SLC9A8: variants seen among roughly 807,000 people sequenced by gnomAD.
The protein encoded by SLC9A8 is solute carrier family 9 member A8.
In SLC9A8, 48 loss-of-function variants were observed where a neutral mutation model predicts 66.6. That is an observed-to-expected ratio of 0.72 (90% CI 0.57 to 0.92). The LOEUF (loss-of-function observed/expected upper bound fraction) is 0.92. Among genes scored for constraint, SLC9A8 ranks in the 40% least tolerant of loss-of-function variants. The pLI is 0.00. For missense variants in SLC9A8, 599 were observed against 747.3 expected (o/e 0.80, Z 2.31); for synonymous variants, 274 against 282.6 (o/e 0.97, Z 0.31).
chr20:49,862,498 T>C (rs1274939758), intron 8 of SLC9A8, among the ~76,000 whole-genome samples: 1 of 152,164 alleles, frequency 6.6e-6, no homozygotes, highest in African/African-American at 2.4e-5. Flanking sequence ...TGCCCTCAAG[T>C]GATCTGCTCA....
At chr20:49,864,684 C>T (rs1265223848) in intron 9 of SLC9A8, 55 bp from the exon 10 acceptor site, 25 of 1,238,614 alleles carry the variant, frequency 2.0e-5, no homozygotes, top group Non-Finnish European at 3.0e-5. Flanking sequence ...TGTGACTTCT[C>T]CACATCTCCC....
Position 49,883,953 on chromosome 20 carries a change from A to C in SLC9A8, c.1378A>C (p.Ile460Leu). Residue 460 changes from isoleucine (I) to leucine (L), a missense_variant, in exon 14 of 16, where the codon ATC (isoleucine) becomes CTC (leucine). Coordinates refer to ENST00000361573, the MANE Select transcript of SLC9A8 (RefSeq NM_015266.3). ...TTTIVIVLFTILLLGGSTMPL... is the reference protein window; with the variant it reads ...TTTIVIVLFTLLLLGGSTMPL... ...CACCATCGTCATCGTGCTCTTCACC[A>C]TCCTGCTGCTGGGCGGCAGCACCAT... 1 of 1,613,158 alleles carries C rather than the reference A, an allele frequency of 6.2e-7. No homozygotes were observed. The highest frequency in any genetic ancestry group is 1.1e-5 in the South Asian group (1 of 91,074).
At chr20:49,821,787 G>A (rs1239133796) in intron 2 of SLC9A8, among the ~76,000 whole-genome samples, 2 of 152,134 alleles carry the variant, frequency 1.3e-5, no homozygotes, top group African/African-American at 4.8e-5. Context: ...GGGGGTTGGT[G>A]GGGGCAGAAA....
chr20:49,881,970 C>T (rs1192023293), intron 13 of SLC9A8, among the ~76,000 whole-genome samples: 1 of 151,924 alleles, frequency 6.6e-6, no homozygotes, highest in Non-Finnish European at 1.5e-5. Context: ...TTTGAAATGG[C>T]GGGGGCTGTC....
At position 49,834,348 on chromosome 20, in the gene SLC9A8, CTGT is replaced by C. The variant is rs2087386022; in HGVS notation, c.290-5192_290-5190del. ...TATATACTGTGTATATATATATATA[CTGT>C]ATATATATATATACTGTGTATATAT... On this transcript the variant is annotated intron_variant, in intron 3 of 15. Coordinates refer to ENST00000361573, the MANE Select transcript of SLC9A8 (RefSeq NM_015266.3). 8.7e-5 allele frequency among the ~76,000 whole-genome samples: 6 copies of C among 69,138 alleles called. 1 individual carries two copies. The highest frequency in any genetic ancestry group is 3.8e-4 in the South Asian group (1 of 2,642). 45.4% of individuals were successfully genotyped at this position (69,138 alleles called of 152,430 possible).
intron 12 of SLC9A8, among the ~76,000 whole-genome samples, chr20:49,878,873 C>G (rs34521669): frequency 6.6e-6 from 1 of 151,996 alleles, no homozygotes; most frequent in Non-Finnish European, 1.5e-5. Context: ...CAAAATTAGC[C>G]GGGCGTGGTG....
chr20:49,818,467 T>C (rs1006297709), intron 2 of SLC9A8, among the ~76,000 whole-genome samples: 2 of 151,640 alleles, frequency 1.3e-5, no homozygotes, highest in African/African-American at 2.4e-5. Context: ...TGATTAGATA[T>C]CCAAACATTG....
chr20:49,866,729 C>G (rs6012761), intron 10 of SLC9A8, among the ~76,000 whole-genome samples: 1 of 152,140 alleles, frequency 6.6e-6, no homozygotes, highest in African/African-American at 2.4e-5. Context: ...TCCTCTTCCC[C>G]TTGAGACTTC....
At chr20:49,856,105 T>G (rs895827558) in intron 8 of SLC9A8, among the ~76,000 whole-genome samples, 2 of 152,200 alleles carry the variant, frequency 1.3e-5, no homozygotes, top group African/African-American at 4.8e-5. Flanking sequence ...GCCCACCTTT[T>G]TCGACCTGCC....
In SLC9A8 at chr20:49,820,130, G is replaced by A. The variant is rs139688807; in HGVS notation, c.209-2931G>A. Among the ~76,000 whole-genome samples the A allele has an allele frequency of 4.2e-3, 638 of 152,234 alleles. 3 individuals are homozygous for A. Among genetic ancestry groups the A allele is most frequent in the African/African-American group, 0.015 (617 of 41,542 alleles). ...GAAACTGACAAATGTTTTCCACAGG[G>A]GCTGCACCATTTTACAAGGGTTCCG... On this transcript the variant is annotated intron_variant, in intron 2 of 15. Transcript: ENST00000361573.
rs1050050216 is a variant in SLC9A8, at chr20:49,888,787, C to T, written c.*851C>T. On this transcript the variant is annotated 3_prime_UTR_variant, in exon 16 of 16. Coordinates refer to ENST00000361573, the MANE Select transcript of SLC9A8 (RefSeq NM_015266.3). ...TAGTCGCCTCCTGCCATCTGATCTC[C>T]CTCCCCACCATTCCCGTACTCAGTT... 6.6e-6 allele frequency: 1 copy of T among 152,448 alleles called. No homozygotes were observed. Among genetic ancestry groups the T allele is most frequent in the Non-Finnish European group, 1.5e-5 (1 of 68,170 alleles). 9.4% of individuals were successfully genotyped at this position (152,448 alleles called of 1,614,324 possible).
Position 49,847,961 on chromosome 20 carries a change from G to A in SLC9A8, c.433-1618G>A, listed in dbSNP as rs948209923. On this transcript the variant is annotated intron_variant, in intron 5 of 15. Transcript: ENST00000361573. ...TTTTGCTCTTGTTGCCCAGGCTGGA[G>A]TGCAATGGCACGAACTCGGCTCACT... 8.2e-5 allele frequency among the ~76,000 whole-genome samples: 12 copies of A among 145,784 alleles called. No individual in the cohort carries two copies. In the South Asian group the frequency reaches 1.1e-3, roughly 13 times the overall value.
chr20:49,815,911 C>T (rs947021737), intron 2 of SLC9A8, among the ~76,000 whole-genome samples: 8 of 152,016 alleles, frequency 5.3e-5, no homozygotes, highest in African/African-American at 1.4e-4. Context: ...ATCAGAGCAG[C>T]ATTTTGTGTT....
At chr20:49,824,050 T>A (rs984829179) in intron 3 of SLC9A8, among the ~76,000 whole-genome samples, 6 of 152,188 alleles carry the variant, frequency 3.9e-5, no homozygotes, top group African/African-American at 1.2e-4. Context: ...CTCCCCCTCC[T>A]CCCATCACCC....
intron 7 of SLC9A8, among the ~76,000 whole-genome samples, chr20:49,853,937 C>T (rs940766846): frequency 9.2e-5 from 14 of 152,218 alleles, no homozygotes; most frequent in Non-Finnish European, 2.1e-4. Flanking sequence ...GGCAGCCAGG[C>T]ATTTCCTCAG....
At chr20:49,831,403 CTCTCTCT>C (rs2087185186) in intron 3 of SLC9A8, among the ~76,000 whole-genome samples, 1 of 65,776 alleles carries the variant, frequency 1.5e-5, no homozygotes, top group African/African-American at 5.8e-5. Context: ...CACACACACA[CTCTCTCT>C]CTCTCTCTCT....
At chr20:49,848,513 C>G (rs2088105922) in intron 5 of SLC9A8, among the ~76,000 whole-genome samples, 1 of 152,090 alleles carries the variant, frequency 6.6e-6, no homozygotes, top group Non-Finnish European at 1.5e-5. Flanking sequence ...GATTTCTGAG[C>G]TAAAAACAAG....
At chr20:49,874,608 C>T (rs963707661) in intron 10 of SLC9A8, 97 bp from the exon 11 acceptor site, 3 of 774,670 alleles carry the variant, frequency 3.9e-6, no homozygotes, top group African/African-American at 3.5e-5. Flanking sequence ...TTTCTTAAAC[C>T]CTCTAATGCT....
At chr20:49,828,968 A>G (rs1285945013) in intron 3 of SLC9A8, among the ~76,000 whole-genome samples, 1 of 151,524 alleles carries the variant, frequency 6.6e-6, no homozygotes, top group Non-Finnish European at 1.5e-5. Flanking sequence ...ACACAGTGCA[A>G]ATACATAGGT....
Sources: allele counts gnomAD v4.1 joint callset (sites outside exome capture counted in the v4.1 genomes callset), GRCh38; gene constraint gnomAD v4.1.1; transcripts MANE v1.5; gene names NCBI Gene and HGNC (gene_info 2026-07-23, HGNC 2026-07-21).